Variants in COL5A3 observed in about 807,000 individuals in gnomAD.
COL5A3 encodes the protein collagen alpha-3(V) chain.
In COL5A3, 172 loss-of-function variants were observed where a neutral mutation model predicts 250.0. The observed-to-expected ratio is 0.69, with a 90% CI of 0.61 to 0.78. COL5A3 has a LOEUF of 0.78. COL5A3 is among the 30% of genes least tolerant of loss of function. COL5A3 has a pLI of 0.00. For missense variants in COL5A3, 2,340 were observed against 2,334.4 expected, an observed-to-expected ratio of 1.00 and a Z score of -0.05; for synonymous variants, 937 against 900.4, an observed-to-expected ratio of 1.04 and a Z score of -0.73.
chr19:9,969,277 C>T, intron 57 of COL5A3, 72 bp downstream of exon 57: 1 of 1,338,144 alleles, frequency 7.5e-7, no homozygotes, highest in Non-Finnish European at 1.0e-6. Context: ...TGCACCAATG[C>T]TCACTAGGTG....
chr19:9,992,680 A>C, intron 21 of COL5A3, 147 bp downstream of exon 21: 1 of 735,398 alleles, frequency 1.4e-6, no homozygotes, highest in East Asian at 2.6e-5. Context: ...AGGAGGCTGA[A>C]GCATGAGAAT....
chr19:9,981,961 C>T, intron 32 of COL5A3, 104 bp downstream of exon 32: 2 of 853,306 alleles, frequency 2.3e-6, no homozygotes, highest in Non-Finnish European at 4.0e-6. Context: ...ATGTTCCAGG[C>T]ATAGACACAA....
chr19:9,971,131 C>T, intron 52 of COL5A3, 74 bp downstream of exon 52: 1 of 1,410,098 alleles, frequency 7.1e-7, no homozygotes. Flanking sequence ...CTGTCAGTGC[C>T]CAGGTCTGTG....
At chr19:9,973,514 C>A in intron 50 of COL5A3, 56 bp downstream of exon 50, 2 of 1,560,574 alleles carry the variant, frequency 1.3e-6, no homozygotes, top group East Asian at 4.5e-5. Flanking sequence ...CCAAGATGCC[C>A]AGGGGTCAGG....
intron 34 of COL5A3, 43 bp from the exon 35 acceptor site, chr19:9,980,735 A>T: frequency 6.2e-7 from 1 of 1,613,984 alleles, no homozygotes; most frequent in Non-Finnish European, 8.5e-7. Flanking sequence ...AACAAACTCA[A>T]CTGGGAAGAA....
At chr19:10,002,248 A>G (rs2087374392) in intron 6 of COL5A3, among the ~76,000 whole-genome samples, 1 of 132,756 alleles carries the variant, frequency 7.5e-6, no homozygotes, top group East Asian at 2.5e-4. Flanking sequence ...TGGCCTGGAC[A>G]GCTGCAGAGG....
rs1352181683 is a variant in COL5A3 at position 9,973,601 on chromosome 19, T to G, written c.3635A>C (p.Asp1212Ala). The G allele has an allele frequency of 6.2e-7, 1 of 1,612,672 alleles. No individual in the cohort carries two copies. Among genetic ancestry groups the G allele is most frequent in the South Asian group, 1.1e-5 (1 of 90,892 alleles). The change falls in exon 50 of 67, where the codon GAC (aspartate) becomes GCC (alanine). Residue 1212 changes from aspartate to alanine, a missense_variant. Asp to Ala is a moderately radical substitution (Grantham distance 126). Coordinates refer to ENST00000264828, the MANE Select transcript of COL5A3 (RefSeq NM_015719.4). The part of the protein sequence containing the change: ...GEKGERGDAG[D>A]PGPPGAPGIP... ...GCCTGGGGCTCCTGGAGGCCCTGGG[T>G]CTCCAGCGTCCCCTCGCTCACCCTG... is the stretch of plus-strand genomic sequence containing the variant.
At chr19:9,995,489 G>A in intron 16 of COL5A3, 75 bp downstream of exon 16, 19 of 1,362,474 alleles carry the variant, frequency 1.4e-5, no homozygotes, top group Non-Finnish European at 1.8e-5. Flanking sequence ...CAGACCCCAA[G>A]GTCACAAAGC....
In COL5A3 at chr19:10,001,567, C is replaced by G; in HGVS notation, c.1067G>C (p.Arg356Pro). Residue 356 changes from arginine to proline, a missense_variant, in exon 8 of 67, where the codon CGG becomes CCG. Physicochemically the swap from Arg to Pro is moderately radical, Grantham distance 103 (BLOSUM62 -2). This residue lies in a region of COL5A3 where 1,152 missense variants were observed against 1,146.3 expected (regional missense o/e 1.00). Coordinates refer to ENST00000264828, the MANE Select transcript of COL5A3 (RefSeq NM_015719.4). ...GDDSTMGPDF[R>P]AAEYPSRTQF... ...AGTCCGAGATGGATATTCTGCTGCC[C>G]GGAAGTCAGGGCCCATGGTGGAATC... The G allele has an allele frequency of 6.2e-7, 1 of 1,614,094 alleles. No homozygotes were observed. The highest frequency in any genetic ancestry group is 8.5e-7 in the Non-Finnish European group (1 of 1,180,002).
chr19:9,970,493 T>A, intron 54 of COL5A3, 129 bp downstream of exon 54: 3 of 325,948 alleles, frequency 9.2e-6, no homozygotes, highest in East Asian at 9.7e-5. Flanking sequence ...GTGGGGGCTG[T>A]GGAGTGAGTG....
intron 1 of COL5A3, 108 bp downstream of exon 1, chr19:10,010,190 C>G: frequency 2.5e-6 from 2 of 800,756 alleles, no homozygotes; most frequent in East Asian, 6.8e-5. Flanking sequence ...CCGCACGCGG[C>G]GCCCACGCCC....
chr19:9,971,340 G>T, intron 51 of COL5A3, 82 bp from the exon 52 acceptor site: 1 of 1,100,276 alleles, frequency 9.1e-7, no homozygotes, highest in Non-Finnish European at 1.3e-6. Context: ...CTGTATCCAG[G>T]AACAGTTTGG....
At chr19:10,008,338 C>A (rs1246970607) in intron 1 of COL5A3, among the ~76,000 whole-genome samples, 2 of 152,116 alleles carry the variant, frequency 1.3e-5, no homozygotes, top group African/African-American at 4.8e-5. Flanking sequence ...ACTTGTGTCC[C>A]CTCTGGAATG....
chr19:10,000,576 C>T (rs1364032157), intron 8 of COL5A3, among the ~76,000 whole-genome samples: 1 of 150,138 alleles, frequency 6.7e-6, no homozygotes, highest in East Asian at 2.0e-4. Flanking sequence ...GGGATTACAG[C>T]CGTGAGCCAC....
chr19:9,986,786 A>C, intron 27 of COL5A3, 28 bp from the exon 28 acceptor site: 1 of 1,610,466 alleles, frequency 6.2e-7, no homozygotes, highest in Non-Finnish European at 8.5e-7. Flanking sequence ...AAAGCTCTCA[A>C]GCCTCTTCCC....
Position 9,979,511 on chromosome 19 carries a change from C to T in COL5A3, c.2713-94G>A. 3 of 1,380,080 alleles carry T rather than the reference C, an allele frequency of 2.2e-6. No individual in the cohort carries two copies. In the South Asian group the frequency reaches 3.5e-5, roughly 16 times the overall value. 85.5% of individuals were successfully genotyped at this position (1,380,080 alleles called of 1,614,324 possible). A position where few individuals can be genotyped will look rare whatever the true frequency, so the allele number is the denominator to read the frequency against. On this transcript the variant is annotated intron_variant, in intron 37 of 66. Coordinates refer to ENST00000264828, the MANE Select transcript of COL5A3 (RefSeq NM_015719.4). The stretch of plus-strand genomic sequence containing the variant: ...AGGCCTGATAGGATCAGGAATCTGG[C>T]CGGTCCGGTGGCTCACGCCTGTAAT...
At position 9,992,045 on chromosome 19, in the gene COL5A3, C is replaced by T; in HGVS notation, c.1852G>A (p.Val618Met). The T allele has an allele frequency of 1.2e-6, 2 of 1,613,804 alleles. No homozygotes were observed. Among genetic ancestry groups the T allele is most frequent in the South Asian group, 1.1e-5 (1 of 91,040 alleles). The change falls in exon 22 of 67, where the codon GTG (valine) becomes ATG (methionine). Residue 618 changes from valine to methionine, a missense_variant. Coordinates refer to ENST00000264828, the MANE Select transcript of COL5A3 (RefSeq NM_015719.4). ...GSPGPTGRPG[V>M]TGIDGAPGAK... ...CCAGGAGCACCATCAATTCCAGTCA[C>T]ACCCTAGGGGAAAAGAGGATGTGAG...
chr19:9,973,848 T>C, intron 48 of COL5A3, 39 bp from the exon 49 acceptor site: 1 of 1,610,864 alleles, frequency 6.2e-7, no homozygotes, highest in South Asian at 1.1e-5. Context: ...GACTGTGGAA[T>C]CCCAACATCC....
In COL5A3 at chr19:9,973,614, C is replaced by T. The variant is rs2086882153; in HGVS notation, c.3622G>A (p.Gly1208Arg). 2.5e-6 allele frequency: 4 copies of T among 1,612,826 alleles called. No homozygotes were observed. The highest frequency in any genetic ancestry group is 3.4e-6 in the Non-Finnish European group (4 of 1,179,424). The change falls in exon 50 of 67, where the codon GGG becomes AGG. Residue 1208 changes from glycine (G) to arginine (R), a missense_variant. By Grantham distance (125) the Gly-to-Arg change is moderately radical. Coordinates refer to ENST00000264828, the MANE Select transcript of COL5A3 (RefSeq NM_015719.4). ...GGAGGCCCTGGGTCTCCAGCGTCCC[C>T]TCGCTCACCCTGCAGGAGGCAAAGT... ...PGAVGEKGER[G>R]DAGDPGPPGA... is the part of the protein sequence containing the mutation.
Sources: gnomAD v4.1 joint callset for allele counts (sites outside exome capture counted in the v4.1 genomes callset) on GRCh38, gnomAD v4.1.1 for gene constraint, gnomAD v4.1.1 regional missense constraint, MANE v1.5 for transcripts, NCBI Gene and HGNC (gene_info 2026-07-23, HGNC 2026-07-21) for gene names.